CEP162: variants seen among roughly 807,000 people sequenced by gnomAD.
CEP162 encodes centrosomal protein 162, also known as centrosomal protein of 162 kDa.
Under a neutral mutation model 169.2 loss-of-function variants are expected in CEP162, and 141 were observed. That is an observed-to-expected ratio of 0.83 (90% CI 0.73 to 0.96). The LOEUF (loss-of-function observed/expected upper bound fraction) is 0.96, where lower values mean the gene tolerates loss of function less well. Ranked by LOEUF, CEP162 falls within the 40% of genes least tolerant of loss-of-function variation. The pLI is 0.00. For synonymous variants in CEP162, 540 were observed against 526.4 expected, an observed-to-expected ratio of 1.03 and a Z score of -0.35; for missense variants, 1,600 against 1,587.2, an observed-to-expected ratio of 1.01 and a Z score of -0.14.
In CEP162 at chr6:84,185,855, A is replaced by G. The variant is rs545759512; in HGVS notation, c.1402-407T>C. Among the ~76,000 whole-genome samples, 4 of 152,284 alleles carry G rather than the reference A, an allele frequency of 2.6e-5. No homozygotes were observed. In the East Asian group the frequency reaches 7.7e-4, roughly 29 times the overall value. On this transcript the variant is annotated intron_variant, in intron 12 of 26. Transcript: ENST00000403245. ...GGAGATGACTTAAATACATAATTCA[A>G]AATTATAAAATACAAGTAGAATGTC...
At chr6:84,212,864 G>C in intron 6 of CEP162, 93 bp downstream of exon 6, 1 of 806,480 alleles carries the variant, frequency 1.2e-6, no homozygotes. Context: ...GAGACAATAT[G>C]ATTTTCCTTT....
intron 25 of CEP162, among the ~76,000 whole-genome samples, chr6:84,145,810 A>G (rs2099518613): frequency 6.6e-6 from 1 of 152,136 alleles, no homozygotes; most frequent in Admixed American, 6.6e-5. Flanking sequence ...TCTTATAACT[A>G]GACATACTCA....
At chr6:84,154,374 AT>A (rs1459749654) in intron 22 of CEP162, among the ~76,000 whole-genome samples, 5 of 137,768 alleles carry the variant, frequency 3.6e-5, no homozygotes, top group African/African-American at 7.7e-5. Flanking sequence ...CTATCTATCT[AT>A]CTACCTATCT....
chr6:84,193,634 T>G lies in CEP162; in HGVS notation c.1084A>C (p.Ser362Arg). 2 of 1,564,150 alleles carry G rather than the reference T, an allele frequency of 1.3e-6. No homozygotes were observed. The highest frequency in any genetic ancestry group is 4.7e-5 in the East Asian group (2 of 42,764). ...KPIRIDSFGI[S>R]GFDLQPVSSE... ...CTGACAGGTTGTAAATCAAAACCAC[T>G]GATCCCAAAGGAATCTATTCTGATA... Residue 362 changes from serine (S) to arginine (R), a missense_variant, in exon 11 of 27, where the codon AGT becomes CGT. Transcript: ENST00000403245.
intron 5 of CEP162, among the ~76,000 whole-genome samples, chr6:84,214,408 G>A (rs1476138336): frequency 6.6e-6 from 1 of 152,190 alleles, no homozygotes; most frequent in African/African-American, 2.4e-5. Context: ...GAACCAATGC[G>A]AACAAATGCG....
chr6:84,226,699 G>A (rs189383893), intron 1 of CEP162, among the ~76,000 whole-genome samples: 42 of 152,284 alleles, frequency 2.8e-4, no homozygotes, highest in Non-Finnish European at 4.7e-4. Context: ...GTTAAAGAGT[G>A]GTCTCTACAA....
rs769408257 is a variant in CEP162, at chr6:84,125,181, C to T, written c.4101G>A (p.Glu1367=). 6.2e-6 allele frequency: 10 copies of T among 1,613,530 alleles called. No individual in the cohort carries two copies. In the East Asian group the frequency reaches 2.2e-4, roughly 36 times the overall value. Residue 1367 remains glutamate, a synonymous_variant, in exon 27 of 27, where the codon GAG becomes GAA. Coordinates refer to ENST00000403245, the MANE Select transcript of CEP162 (RefSeq NM_014895.4). ...TTGAGTCTAGTTCTGTGCGGAACTT[C>T]TCCAGCTCACGATTCTTTAACTGTG... ...RLAQLKNREL[E]KFRTELDSIL... is the part of the protein sequence containing the mutation.
At chr6:84,224,773 G>T (rs79771692) in intron 2 of CEP162, among the ~76,000 whole-genome samples, 7 of 152,012 alleles carry the variant, frequency 4.6e-5, no homozygotes, top group Admixed American at 3.9e-4. Context: ...GGAGAGTGTT[G>T]GAGAATGTGT....
intron 6 of CEP162, among the ~76,000 whole-genome samples, chr6:84,212,520 G>GCATTTGATT (rs1562090414): frequency 8.6e-5 from 13 of 150,310 alleles, no homozygotes; most frequent in Non-Finnish European, 4.4e-5. Context: ...GGGCAACTAA[G>GCATTTGATT]AAAAAAATAC....
At chr6:84,171,236 T>C (rs925149188) in intron 17 of CEP162, among the ~76,000 whole-genome samples, 1 of 152,222 alleles carries the variant, frequency 6.6e-6, no homozygotes. Flanking sequence ...TAAGTGATAC[T>C]GTATGACCAT....
At position 84,195,009 on chromosome 6, in the gene CEP162, T is replaced by C. The variant is rs775534087; in HGVS notation, c.902A>G (p.His301Arg). 17 of 1,612,210 alleles carry C rather than the reference T, an allele frequency of 1.1e-5. No homozygotes were observed. Among genetic ancestry groups the C allele is most frequent in the Admixed American group, 1.7e-5 (1 of 59,822 alleles). ...ALHQAYCHIA[H>R]SLGDEDKQKI... ...TTGTTTGTCTTCATCTCCCAATGAA[T>C]GGGCTATATGACAATAAGCTTGATG... Residue 301 changes from histidine to arginine, a missense_variant, in exon 10 of 27, where the codon CAT becomes CGT. By Grantham distance (29) the His-to-Arg change is conservative. Transcript: ENST00000403245.
At chr6:84,198,940 T>A (rs984789743) in intron 9 of CEP162, among the ~76,000 whole-genome samples, 1 of 152,222 alleles carries the variant, frequency 6.6e-6, no homozygotes, top group African/African-American at 2.4e-5. Context: ...GTACCATTTA[T>A]GTAACTGTAA....
chr6:84,131,545 A>G (rs1459793550), intron 25 of CEP162, among the ~76,000 whole-genome samples: 1 of 152,156 alleles, frequency 6.6e-6, no homozygotes, highest in Non-Finnish European at 1.5e-5. Flanking sequence ...TTGGGTGCAT[A>G]TATATTTAGG....
At chr6:84,129,677 G>A (rs1404192808) in intron 25 of CEP162, among the ~76,000 whole-genome samples, 1 of 152,056 alleles carries the variant, frequency 6.6e-6, no homozygotes, top group East Asian at 1.9e-4. Context: ...TGTTTAATTA[G>A]ATCCCATTTG....
intron 7 of CEP162, among the ~76,000 whole-genome samples, chr6:84,202,442 A>G (rs2099544913): frequency 6.7e-6 from 1 of 148,900 alleles, no homozygotes; most frequent in Admixed American, 6.7e-5. Context: ...TTTTATGCAT[A>G]TGGTACACTT....
At chr6:84,178,824 C>T (rs114616945) in intron 13 of CEP162, among the ~76,000 whole-genome samples, 3,990 of 152,204 alleles carry the variant, frequency 0.026, 163 homozygotes, top group African/African-American at 0.092. Context: ...CCCAACCCCA[C>T]GACAGGCCCT....
chr6:84,154,091 G>A (rs1182990915), intron 22 of CEP162, among the ~76,000 whole-genome samples: 2 of 152,040 alleles, frequency 1.3e-5, no homozygotes, highest in East Asian at 3.9e-4. Flanking sequence ...TATATACAGG[G>A]AATCAGAAAT....
intron 6 of CEP162, among the ~76,000 whole-genome samples, chr6:84,205,051 A>G (rs1214502745): frequency 1.3e-5 from 2 of 152,214 alleles, no homozygotes; most frequent in Non-Finnish European, 2.9e-5. Context: ...GAATAGACCA[A>G]TAACAGGATC....
At chr6:84,140,369 T>C (rs2099516061) in intron 25 of CEP162, among the ~76,000 whole-genome samples, 1 of 152,030 alleles carries the variant, frequency 6.6e-6, no homozygotes, top group Non-Finnish European at 1.5e-5. Context: ...TGAAACACCA[T>C]TTTCACACAA....
Sources: gnomAD v4.1 joint callset for allele counts (sites outside exome capture counted in the v4.1 genomes callset) on GRCh38, gnomAD v4.1.1 for gene constraint, MANE v1.5 for transcripts, NCBI Gene and HGNC (gene_info 2026-07-23, HGNC 2026-07-21) for gene names.